Variants in RHOF observed in about 807,000 individuals in gnomAD.
RHOF encodes rho-related GTP-binding protein RhoF.
Under a neutral mutation model 22.2 loss-of-function variants are expected in RHOF, and 21 were observed. The observed-to-expected ratio is 0.95, with a 90% confidence interval of 0.67 to 1.36. RHOF has a LOEUF of 1.36. RHOF is among the 40% of genes most tolerant of loss of function. RHOF has a pLI of 0.00. For missense variants in RHOF, 285 were observed against 293.7 expected, an observed-to-expected ratio of 0.97 and a Z score of 0.22; for synonymous variants, 135 against 131.2, an observed-to-expected ratio of 1.03 and a Z score of -0.20.
At position 121,781,210 on chromosome 12, in the gene RHOF, C is replaced by CG. The variant is rs1566531562; in HGVS notation, c.227-19dup. 1 of 1,610,114 alleles carries CG rather than the reference C, an allele frequency of 6.2e-7. No individual in the cohort carries two copies. The highest frequency in any genetic ancestry group is 8.5e-7 in the Non-Finnish European group (1 of 1,176,536). ...TTCTTGCCCTGAAAGCACAGAGCAGCGGGGGTCAGGGGACGTCCCCTCCCT... is the reference window on the plus strand; with the variant it reads ...TTCTTGCCCTGAAAGCACAGAGCAGCGGGGGGTCAGGGGACGTCCCCTCCCT... On this transcript the variant is annotated intron_variant, in intron 2 of 4. Coordinates refer to ENST00000267205, the MANE Select transcript of RHOF (RefSeq NM_019034.3).
At chr12:121,784,560 G>GA (rs996051979) in intron 2 of RHOF, among the ~76,000 whole-genome samples, 90 of 146,046 alleles carry the variant, frequency 6.2e-4, no homozygotes, top group East Asian at 5.8e-3. Flanking sequence ...AAAAAAAAAA[G>GA]AAAAAAAAAT....
At chr12:121,786,835 G>A (rs1202870090) in intron 2 of RHOF, among the ~76,000 whole-genome samples, 1 of 152,080 alleles carries the variant, frequency 6.6e-6, no homozygotes, top group Admixed American at 6.5e-5. Context: ...TCAGGAGTTC[G>A]AGACCAATCT....
chr12:121,780,781 A>G, intron 4 of RHOF, 91 bp downstream of exon 4: 1 of 1,429,852 alleles, frequency 7.0e-7, no homozygotes, highest in South Asian at 1.3e-5. Context: ...CAGCTCCCTG[A>G]AAGGCCACTA....
intron 1 of RHOF, 97 bp from the exon 2 acceptor site, chr12:121,793,336 A>T (rs1874814191): frequency 7.0e-7 from 1 of 1,437,954 alleles, no homozygotes; most frequent in African/African-American, 1.4e-5. Context: ...GTCCCGGATC[A>T]GCCCCCCCTC....
chr12:121,779,767 C>G, intron 4 of RHOF, 105 bp from the exon 5 acceptor site: 2 of 1,262,130 alleles, frequency 1.6e-6, no homozygotes, highest in Non-Finnish European at 2.2e-6. Context: ...GGGATGGAGG[C>G]CTTGGTTTGG....
intron 2 of RHOF, among the ~76,000 whole-genome samples, chr12:121,783,610 G>A (rs1162435541): frequency 6.6e-6 from 1 of 152,116 alleles, no homozygotes; most frequent in Non-Finnish European, 1.5e-5. Context: ...AGCCTCCCGA[G>A]TAGCTAGGAT....
At chr12:121,780,319 A>G (rs1370081040) in intron 4 of RHOF, 2 of 159,208 alleles carry the variant, frequency 1.3e-5, no homozygotes, top group African/African-American at 4.8e-5. Context: ...CGGCCTCCCA[A>G]AGTGCTGGGA....
At chr12:121,786,180 A>T (rs1246745674) in intron 2 of RHOF, among the ~76,000 whole-genome samples, 1 of 151,906 alleles carries the variant, frequency 6.6e-6, no homozygotes, top group Non-Finnish European at 1.5e-5. Flanking sequence ...TCGGCCTCCC[A>T]AAGTGCTGGG....
intron 2 of RHOF, among the ~76,000 whole-genome samples, chr12:121,786,558 G>A (rs994052856): frequency 1.3e-5 from 2 of 152,172 alleles, no homozygotes; most frequent in Non-Finnish European, 2.9e-5. Flanking sequence ...TGCCCTTGCT[G>A]TTCACTCCTC....
rs746636849 is a variant in RHOF at position 121,780,865 on chromosome 12, G to C, written c.471+7C>G. 7.0e-5 allele frequency: 112 copies of C among 1,611,456 alleles called. No homozygotes were observed. The highest frequency in any genetic ancestry group is 9.1e-5 in the Non-Finnish European group (107 of 1,179,052). ...GGCTGTGCCCCAGGGTCTTGGCCCC[G>C]GCCCACCTGCATGTAGGTGATGGGC... On this transcript the variant is annotated splice_region_variant and intron_variant, in intron 4 of 4. Transcript: ENST00000267205.
At chr12:121,781,374 G>A (rs904592777) in intron 2 of RHOF, 182 bp from the exon 3 acceptor site, 1 of 590,108 alleles carries the variant, frequency 1.7e-6, no homozygotes, top group African/African-American at 1.9e-5. Context: ...GGGAGGCTGA[G>A]GCCGGAGGAT....
chr12:121,789,772 C>T (rs755096456), intron 2 of RHOF, among the ~76,000 whole-genome samples: 2 of 152,192 alleles, frequency 1.3e-5, no homozygotes, highest in Non-Finnish European at 2.9e-5. Context: ...TCCCTGGTTC[C>T]TTGTCTTAGC....
chr12:121,780,568 C>T (rs1874412730), intron 4 of RHOF: 2 of 511,830 alleles, frequency 3.9e-6, no homozygotes, highest in Admixed American at 7.5e-5. Flanking sequence ...GGGACCAGAT[C>T]CTGGCTCCAC....
chr12:121,781,625 C>T, intron 2 of RHOF: 1 of 192,168 alleles, frequency 5.2e-6, no homozygotes, highest in Non-Finnish European at 1.1e-5. Context: ...GTGTGATCCC[C>T]CTGCCCTGAT....
Position 121,779,331 on chromosome 12 carries a change from CAG to C in RHOF, c.*165_*166del, listed in dbSNP as rs1874353403. ...GGCAGCCTGGAGGGGAGTTTGTGGT[CAG>C]AGCCCCAGCCAGGAAAGGAGAGAGT... On this transcript the variant is annotated 3_prime_UTR_variant, in exon 5 of 5. Transcript: ENST00000267205. 1 of 739,380 alleles carries C rather than the reference CAG, an allele frequency of 1.4e-6. No individual in the cohort carries two copies. Among genetic ancestry groups the C allele is most frequent in the Admixed American group, 2.9e-5 (1 of 34,244 alleles). 45.8% of individuals were successfully genotyped at this position (739,380 alleles called of 1,614,324 possible).
At chr12:121,793,084 G>C in intron 2 of RHOF, 68 bp downstream of exon 2, 1 of 1,353,926 alleles carries the variant, frequency 7.4e-7, no homozygotes, top group Non-Finnish European at 1.0e-6. Context: ...CCCAGTGGGG[G>C]ACGCCCGGGA....
At position 121,793,233 on chromosome 12, in the gene RHOF, C is replaced by T; in HGVS notation, c.145G>A (p.Ala49Thr). The T allele has an allele frequency of 6.4e-7, 1 of 1,550,918 alleles. No homozygotes were observed. Among genetic ancestry groups the T allele is most frequent in the Non-Finnish European group, 8.7e-7 (1 of 1,146,836 alleles). The change falls in exon 2 of 5, where the codon GCC becomes ACC. Residue 49 changes from alanine (A) to threonine (T), a missense_variant. By Grantham distance (58) the Ala-to-Thr change is moderately conservative. Coordinates refer to ENST00000267205, the MANE Select transcript of RHOF (RefSeq NM_019034.3). ...YSQGSFPEHY[A>T]PSVFEKYTAS... Reference sequence around the variant, plus strand: ...GTGTACTTCTCGAACACCGATGGGGCGTAGTGCTGCGGGAGAGGGGGTCGG... The same window carrying T: ...GTGTACTTCTCGAACACCGATGGGGTGTAGTGCTGCGGGAGAGGGGGTCGG...
intron 2 of RHOF, among the ~76,000 whole-genome samples, chr12:121,787,909 A>AGGGGG (rs60048337): frequency 6.8e-4 from 33 of 48,836 alleles, no homozygotes; most frequent in Non-Finnish European, 7.6e-4. Context: ...AAAAAAAAAA[A>AGGGGG]GGGGGGGGGG....
chr12:121,781,001 G>A lies in RHOF; in HGVS notation c.342C>T (p.Phe114=). 6.2e-7 allele frequency: 1 copy of A among 1,613,734 alleles called. No homozygotes were observed. Among genetic ancestry groups the A allele is most frequent in the Non-Finnish European group, 8.5e-7 (1 of 1,179,714 alleles). The change falls in exon 4 of 5, where the codon TTC becomes TTT. Residue 114 remains phenylalanine, a synonymous_variant. Transcript: ENST00000267205. ...CGCGGCAGAAATGCGTGACCTCAGG[G>A]AACCACTGTGGAGGGAGGAGGCGGG... is the stretch of plus-strand genomic sequence containing the variant. The part of the protein sequence containing the change: ...TSYDNVLIKW[F]PEVTHFCRGI...
Sources: allele counts gnomAD v4.1 joint callset (sites outside exome capture counted in the v4.1 genomes callset), GRCh38; gene constraint gnomAD v4.1.1; transcripts MANE v1.5; gene names NCBI Gene and HGNC (gene_info 2026-07-23, HGNC 2026-07-21).